TCF20: variants seen among roughly 807,000 people sequenced by gnomAD.
TCF20 encodes SPRE-binding protein.
A neutral mutation model predicts 148.6 loss-of-function variants in TCF20; 3 were observed. That is an observed-to-expected ratio of 0.02 (90% CI 0.01 to 0.05). TCF20 has a LOEUF of 0.05. Among genes scored for constraint, TCF20 ranks in the 10% least tolerant of loss-of-function variants. The pLI is 1.00. For synonymous variants in TCF20, 1,049 were observed against 909.5 expected (o/e 1.15, Z -2.76); for missense variants, 2,350 against 2,429.3 (o/e 0.97, Z 0.69).
At chr22:42,309,946 C>T (rs1224063127) in intron 1 of TCF20, among the ~76,000 whole-genome samples, 1 of 152,226 alleles carries the variant, frequency 6.6e-6, no homozygotes, top group Non-Finnish European at 1.5e-5. Flanking sequence ...CACACTGGCC[C>T]TAATCTTACC....
chr22:42,161,932 G>A (rs942987027), intron 5 of TCF20, among the ~76,000 whole-genome samples: 7 of 148,364 alleles, frequency 4.7e-5, no homozygotes, highest in Non-Finnish European at 5.9e-5. Context: ...CAAGTAGCTG[G>A]GACTACAGGT....
At chr22:42,250,140 T>C (rs1925242978) in intron 1 of TCF20, among the ~76,000 whole-genome samples, 1 of 151,978 alleles carries the variant, frequency 6.6e-6, no homozygotes, top group South Asian at 2.1e-4. Context: ...TATGGTCTCT[T>C]TAAAAAAAGT....
chr22:42,186,678 G>A (rs1338835810), intron 2 of TCF20, among the ~76,000 whole-genome samples: 1 of 152,074 alleles, frequency 6.6e-6, no homozygotes, highest in Non-Finnish European at 1.5e-5. Flanking sequence ...CGGTGTGGAA[G>A]GTCAGTTCTT....
chr22:42,341,886 A>G (rs1244763882), intron 1 of TCF20, among the ~76,000 whole-genome samples: 3 of 152,118 alleles, frequency 2.0e-5, no homozygotes. Context: ...CACCCACCTG[A>G]GAAGGAGATG....
Position 42,317,442 on chromosome 22 carries a change from T to C in TCF20, c.-37+26037A>G, listed in dbSNP as rs1927652256. The stretch of plus-strand genomic sequence containing the variant: ...ATTTAAACACAGATGACGGAAAATC[T>C]CCTTTTCCTCCCACTATGTCTGGCC... On this transcript the variant is annotated intron_variant, in intron 1 of 1. Coordinates refer to the TCF20 transcript ENST00000515426. This position sits in a 1 kb window ranked among gnomAD's most constrained non-coding sequence, Gnocchi z 4.2. Among the ~76,000 whole-genome samples the C allele has an allele frequency of 1.3e-5, 2 of 152,098 alleles. No individual in the cohort carries two copies. The highest frequency in any genetic ancestry group is 1.3e-4 in the Admixed American group (2 of 15,270).
At chr22:42,177,612 T>C (rs1158229971) in intron 3 of TCF20, among the ~76,000 whole-genome samples, 1 of 152,146 alleles carries the variant, frequency 6.6e-6, no homozygotes, top group African/African-American at 2.4e-5. Context: ...AACAAAATGT[T>C]TCCCTTCTTT....
intron 1 of TCF20, among the ~76,000 whole-genome samples, chr22:42,248,405 T>C (rs1170237036): frequency 6.6e-6 from 1 of 152,208 alleles, no homozygotes; most frequent in Non-Finnish European, 1.5e-5. Context: ...ATCCCCGTTT[T>C]ACAGATAAAA....
At chr22:42,194,871 C>A (rs1322249721) in intron 2 of TCF20, among the ~76,000 whole-genome samples, 1 of 151,818 alleles carries the variant, frequency 6.6e-6, no homozygotes, top group South Asian at 2.1e-4. Flanking sequence ...TCAGCCCTCC[C>A]TTTGGCCGAG....
intron 1 of TCF20, among the ~76,000 whole-genome samples, chr22:42,221,959 C>T (rs895692334): frequency 3.8e-4 from 57 of 151,730 alleles, no homozygotes; most frequent in Admixed American, 3.4e-3. Context: ...AGGATGGTCT[C>T]GATCTCCTGA....
chr22:42,242,202 CAAAAAAAAAAAAAAA>C (rs151190006), intron 1 of TCF20, among the ~76,000 whole-genome samples: 3 of 59,802 alleles, frequency 5.0e-5, no homozygotes. Flanking sequence ...GACTTCGCCT[CAAAAAAAAAAAAAAA>C]AAAAAAAAAA....
At chr22:42,221,601 T>C (rs1601615697) in intron 1 of TCF20, among the ~76,000 whole-genome samples, 1 of 152,096 alleles carries the variant, frequency 6.6e-6, no homozygotes, top group Non-Finnish European at 1.5e-5. Context: ...ACAAAATGTA[T>C]AGCCAAGTTG....
intron 3 of TCF20, among the ~76,000 whole-genome samples, chr22:42,179,259 T>C (rs1936629631): frequency 6.6e-6 from 1 of 151,814 alleles, no homozygotes; most frequent in African/African-American, 2.4e-5. Flanking sequence ...ACACAAATGC[T>C]TGCATGTGAA....
intron 1 of TCF20, among the ~76,000 whole-genome samples, chr22:42,326,280 C>G (rs1231808504): frequency 6.6e-6 from 1 of 152,170 alleles, no homozygotes; most frequent in Non-Finnish European, 1.5e-5. Context: ...GCAGCCCAAC[C>G]TCACCCTCTG....
rs1445450715 is a variant in TCF20, at chr22:42,279,912, A to ACCC, written c.-37+3914_-37+3915insGGG. ...GTAGACACCACCCCAGGTGCTCCTC[A>ACCC]CAGGTGATGGGGTGTGTTGTCTATG... On this transcript the variant is annotated intron_variant, in intron 1 of 5. Transcript: ENST00000359486. The surrounding 1 kb of genome is among the most constrained non-coding windows in gnomAD (Gnocchi z 4.3). Among the ~76,000 whole-genome samples, 8 of 152,072 alleles carry ACCC rather than the reference A, an allele frequency of 5.3e-5. No individual in the cohort carries two copies. Among genetic ancestry groups the ACCC allele is most frequent in the African/African-American group, 1.9e-4 (8 of 41,440 alleles).
At chr22:42,173,449 T>C (rs1441087045) in intron 3 of TCF20, among the ~76,000 whole-genome samples, 2 of 152,132 alleles carry the variant, frequency 1.3e-5, no homozygotes, top group East Asian at 3.9e-4. Context: ...GTCCCAGTAA[T>C]AAAAGTCTTC....
At chr22:42,283,092 C>G (rs781078188) in intron 1 of TCF20, among the ~76,000 whole-genome samples, 2 of 152,236 alleles carry the variant, frequency 1.3e-5, no homozygotes, top group Non-Finnish European at 2.9e-5. Flanking sequence ...GACACACACA[C>G]GCTAACACAA....
At chr22:42,306,169 G>A (rs1017281913) in intron 1 of TCF20, among the ~76,000 whole-genome samples, 1 of 152,264 alleles carries the variant, frequency 6.6e-6, no homozygotes, top group Non-Finnish European at 1.5e-5. Flanking sequence ...GCCGGAGACG[G>A]AGCCGCTGTG....
At chr22:42,164,945 G>C (rs139774405) in intron 5 of TCF20, among the ~76,000 whole-genome samples, 1 of 152,320 alleles carries the variant, frequency 6.6e-6, no homozygotes, top group Non-Finnish European at 1.5e-5. Context: ...CTTCCATAGG[G>C]CTCTGGAAGG....
upstream of TCF20, among the ~76,000 whole-genome samples, chr22:42,284,034 G>C (rs1436493485): frequency 1.3e-5 from 2 of 152,250 alleles, no homozygotes; most frequent in African/African-American, 4.8e-5. Context: ...ACAGGGCCGG[G>C]GCGGTGACAT....
Sources: allele counts gnomAD v4.1 joint callset (sites outside exome capture counted in the v4.1 genomes callset), GRCh38; gene constraint gnomAD v4.1.1; non-coding constraint Gnocchi (gnomAD v3.1); transcripts MANE v1.5; gene names NCBI Gene and HGNC (gene_info 2026-07-23, HGNC 2026-07-21).